PCDHGB2: variants seen among roughly 807,000 people sequenced by gnomAD.
PCDHGB2 encodes protocadherin gamma subfamily B, 2.
In PCDHGB2, 55 loss-of-function variants were observed where a neutral mutation model predicts 59.3. The ratio of observed to expected loss-of-function variants is 0.93; its 90% CI spans 0.75 to 1.16. The LOEUF (loss-of-function observed/expected upper bound fraction) is 1.16. PCDHGB2 is among the 50% of genes most tolerant of loss of function. The pLI is 0.00. For missense variants in PCDHGB2, 1,228 were observed against 1,198.5 expected, an observed-to-expected ratio of 1.02 and a Z score of -0.36; for synonymous variants, 516 against 512.0, an observed-to-expected ratio of 1.01 and a Z score of -0.11.
Position 141,491,758 on chromosome 5 carries a change from C to A in PCDHGB2, c.2422-3049C>A. The stretch of plus-strand genomic sequence containing the variant: ...TGGGGGCGGCACTGGAGAAGCCGCC[C>A]GTCCTCATAAGGGATTGAACTTGCA... On this transcript the variant is annotated intron_variant, in intron 1 of 3. Coordinates refer to ENST00000522605, the MANE Select transcript of PCDHGB2 (RefSeq NM_018923.3). This position sits in a 1 kb window ranked among gnomAD's most constrained non-coding sequence, Gnocchi z 6.9. 6.3e-7 allele frequency: 1 copy of A among 1,578,788 alleles called. No homozygotes were observed. Among genetic ancestry groups the A allele is most frequent in the Non-Finnish European group, 8.6e-7 (1 of 1,163,522 alleles).
intron 1 of PCDHGB2, among the ~76,000 whole-genome samples, chr5:141,459,544 T>G (rs772982634): frequency 6.6e-6 from 1 of 152,246 alleles, no homozygotes; most frequent in Non-Finnish European, 1.5e-5. Flanking sequence ...TTTTTTTTAT[T>G]TCTCTTGGAT....
intron 1 of PCDHGB2, chr5:141,383,187 C>CGGGAAGA: frequency 6.2e-7 from 1 of 1,614,076 alleles, no homozygotes; most frequent in Non-Finnish European, 8.5e-7. Context: ...AAGAGATCTG[C>CGGGAAGA]GCTCAGAGTG....
intron 1 of PCDHGB2, among the ~76,000 whole-genome samples, chr5:141,439,595 G>A (rs752771969): frequency 3.9e-5 from 6 of 152,192 alleles, no homozygotes; most frequent in Non-Finnish European, 5.9e-5. Flanking sequence ...CTGTTGGCCA[G>A]TCTGGAAACA....
chr5:141,428,180 C>A, intron 1 of PCDHGB2: 1 of 1,486,268 alleles, frequency 6.7e-7, no homozygotes, highest in Non-Finnish European at 9.2e-7. Flanking sequence ...TGACGGAGGA[C>A]AGCCGCCGCT....
chr5:141,487,750 T>A lies in PCDHGB2; in HGVS notation c.2422-7057T>A, dbSNP rs2099664307. On this transcript the variant is annotated intron_variant, in intron 1 of 3. Coordinates refer to ENST00000522605, the MANE Select transcript of PCDHGB2 (RefSeq NM_018923.3). The surrounding 1 kb of genome is among the most constrained non-coding windows in gnomAD (Gnocchi z 5.0). Reference sequence around the variant, plus strand: ...TCACCATTTTTGTAAGAGGTAACTATGTGGTAGACGCTGTGCTTTGTAACT... The same window carrying A: ...TCACCATTTTTGTAAGAGGTAACTAAGTGGTAGACGCTGTGCTTTGTAACT... 1 of 1,555,392 alleles carries A rather than the reference T, an allele frequency of 6.4e-7. No homozygotes were observed. Among genetic ancestry groups the A allele is most frequent in the African/African-American group, 1.4e-5 (1 of 73,376 alleles).
At position 141,390,172 on chromosome 5, in the gene PCDHGB2, ATT is replaced by A. The variant is rs745723390; in HGVS notation, c.2421+27618_2421+27619del. 218 of 1,614,012 alleles carry A rather than the reference ATT, an allele frequency of 1.4e-4. 1 individual carries two copies. In the African/African-American group the frequency reaches 2.7e-3, roughly 20 times the overall value. ...GCACATACAGGAAAGACGGAGTTTA[ATT>A]TCCTAAAATGTAGTGAGCAGTTGAG... On this transcript the variant is annotated intron_variant, in intron 1 of 3. Transcript: ENST00000522605.
At position 141,505,908 on chromosome 5, in the gene PCDHGB2, T is replaced by C. The variant is rs114551975; in HGVS notation, c.2569+427T>C. On this transcript the variant is annotated intron_variant, in intron 3 of 3. Coordinates refer to ENST00000522605, the MANE Select transcript of PCDHGB2 (RefSeq NM_018923.3). ...TTAAATGAGATGATACCACAAAGCATAGAGTTCTGGGCCTGGCGCTTGGAA... is the reference window on the plus strand; with the variant it reads ...TTAAATGAGATGATACCACAAAGCACAGAGTTCTGGGCCTGGCGCTTGGAA... 4.0e-3 allele frequency among the ~76,000 whole-genome samples: 608 copies of C among 152,218 alleles called. 3 individuals are homozygous for C. The highest frequency in any genetic ancestry group is 0.013 in the African/African-American group (551 of 41,540).
intron 1 of PCDHGB2, chr5:141,410,177 A>C (rs2095365763): frequency 1.2e-6 from 2 of 1,613,626 alleles, no homozygotes; most frequent in Non-Finnish European, 1.7e-6. Flanking sequence ...TGCCACCGCC[A>C]CGCTTCATCT....
At chr5:141,430,244 A>G (rs903055705) in intron 1 of PCDHGB2, among the ~76,000 whole-genome samples, 1 of 105,606 alleles carries the variant, frequency 9.5e-6, no homozygotes, top group Non-Finnish European at 1.8e-5. Context: ...AGAAACTCCT[A>G]GGGAGACATC....
Position 141,432,811 on chromosome 5 carries a change from T to G in PCDHGB2, c.2422-61996T>G. Reference sequence around the variant, plus strand: ...GCAGCCTCGAGTCTCCAGCTAACTCTGAAACCTCAGACCTCACTCTGTACC... The same window carrying G: ...GCAGCCTCGAGTCTCCAGCTAACTCGGAAACCTCAGACCTCACTCTGTACC... On this transcript the variant is annotated intron_variant, in intron 1 of 3. Transcript: ENST00000522605. The surrounding 1 kb of genome is among the most constrained non-coding windows in gnomAD (Gnocchi z 6.0). 1 of 1,614,126 alleles carries G rather than the reference T, an allele frequency of 6.2e-7. No homozygotes were observed. Among genetic ancestry groups the G allele is most frequent in the Non-Finnish European group, 8.5e-7 (1 of 1,179,988 alleles).
At chr5:141,441,087 TGACA>T (rs1168679217) in intron 1 of PCDHGB2, 1 of 152,174 alleles carries the variant, frequency 6.6e-6, no homozygotes, top group Non-Finnish European at 1.5e-5. Flanking sequence ...TGGTAGCAAG[TGACA>T]GAGAGGGACT....
chr5:141,454,356 T>G (rs1461475653), intron 1 of PCDHGB2, among the ~76,000 whole-genome samples: 1 of 152,224 alleles, frequency 6.6e-6, no homozygotes, highest in East Asian at 1.9e-4. Context: ...TGATCCAAAC[T>G]TAGAAAGGAG....
At chr5:141,433,068 T>G (rs1296504554) in intron 1 of PCDHGB2, 1 of 1,613,900 alleles carries the variant, frequency 6.2e-7, no homozygotes, top group South Asian at 1.1e-5. Context: ...CACCTGATCT[T>G]CCCCCAGCCC....
intron 1 of PCDHGB2, among the ~76,000 whole-genome samples, chr5:141,456,006 T>C (rs909931677): frequency 6.6e-6 from 1 of 151,852 alleles, no homozygotes; most frequent in Non-Finnish European, 1.5e-5. Flanking sequence ...CATGCCATTC[T>C]CCTGCCTCAG....
chr5:141,409,462 C>T (rs377705841), intron 1 of PCDHGB2: 3 of 1,613,988 alleles, frequency 1.9e-6, no homozygotes, highest in Non-Finnish European at 2.5e-6. Flanking sequence ...AATACAATGT[C>T]ACCATCGTAG....
chr5:141,449,837 TAATTA>T (rs1054425190), intron 1 of PCDHGB2, among the ~76,000 whole-genome samples: 11 of 151,856 alleles, frequency 7.2e-5, no homozygotes, highest in Middle Eastern at 3.4e-3. Context: ...TTCTTTTATA[TAATTA>T]AATTTTAATA....
At chr5:141,406,244 G>C (rs1214749681) in intron 1 of PCDHGB2, among the ~76,000 whole-genome samples, 1 of 151,936 alleles carries the variant, frequency 6.6e-6, no homozygotes, top group Non-Finnish European at 1.5e-5. Context: ...ATGTTGCCCA[G>C]ACTGGTCTCA....
Position 141,487,650 on chromosome 5 carries a change from G to T in PCDHGB2, c.2422-7157G>T, listed in dbSNP as rs772715932. The T allele has an allele frequency of 6.8e-6, 11 of 1,613,876 alleles. No individual in the cohort carries two copies. Among genetic ancestry groups the T allele is most frequent in the Admixed American group, 1.7e-5 (1 of 59,978 alleles). On this transcript the variant is annotated intron_variant, in intron 1 of 3. Coordinates refer to ENST00000522605, the MANE Select transcript of PCDHGB2 (RefSeq NM_018923.3). This position sits in a 1 kb window ranked among gnomAD's most constrained non-coding sequence, Gnocchi z 5.0. ...TTGCAGGCTCAACAAATGCTTGAGG[G>T]TTATTCTGATCCAGGCATATGGCTA...
At chr5:141,389,245 C>A (rs755580542) in intron 1 of PCDHGB2, 6 of 1,613,950 alleles carry the variant, frequency 3.7e-6, no homozygotes, top group Non-Finnish European at 5.1e-6. Context: ...TCACAGTCTT[C>A]CTATATAGTC....
Sources: allele counts gnomAD v4.1 joint callset (sites outside exome capture counted in the v4.1 genomes callset), GRCh38; gene constraint gnomAD v4.1.1; non-coding constraint Gnocchi (gnomAD v3.1); transcripts MANE v1.5; gene names NCBI Gene and HGNC (gene_info 2026-07-23, HGNC 2026-07-21).